ELAPOR2: variants seen among roughly 807,000 people sequenced by gnomAD.
The protein encoded by ELAPOR2 is endosome-lysosome associated apoptosis and autophagy regulator family member 2, also known as endosome/lysosome-associated apoptosis and autophagy regulator family member 2.
In ELAPOR2, 89 loss-of-function variants were observed where a neutral mutation model predicts 120.7. The observed-to-expected ratio is 0.74, with a 90% CI of 0.62 to 0.88. ELAPOR2 has a LOEUF of 0.88. ELAPOR2 is among the 40% of genes least tolerant of loss of function. The pLI, the probability that ELAPOR2 is intolerant of heterozygous loss-of-function variation, is 0.00. For missense variants in ELAPOR2, 1,134 were observed against 1,251.6 expected (o/e 0.91, Z 1.42); for synonymous variants, 444 against 444.9 (o/e 1.00, Z 0.03).
intron 1 of ELAPOR2, among the ~76,000 whole-genome samples, chr7:87,006,544 GAAA>G (rs1793483580): frequency 6.6e-6 from 1 of 151,960 alleles, no homozygotes. Flanking sequence ...AAGAAAGAAA[GAAA>G]AAGACTGAAA....
chr7:86,955,351 C>A (rs1284736599), intron 2 of ELAPOR2, among the ~76,000 whole-genome samples: 1 of 152,018 alleles, frequency 6.6e-6, no homozygotes, highest in Non-Finnish European at 1.5e-5. Context: ...GATTTTTTCC[C>A]CTGGCTGAAG....
rs993683145 is a variant in ELAPOR2, at chr7:87,042,527, A to C, written c.189+16798T>G. ...GAATGACTACTGGGTACATAACGAAATGAAGGCAGAAATAAAGATGTTCTT... is the reference window on the plus strand; with the variant it reads ...GAATGACTACTGGGTACATAACGAACTGAAGGCAGAAATAAAGATGTTCTT... On this transcript the variant is annotated intron_variant, in intron 1 of 21. Coordinates refer to ENST00000450689, the MANE Select transcript of ELAPOR2 (RefSeq NM_001142749.3). Among the ~76,000 whole-genome samples, 84 of 152,012 alleles carry C rather than the reference A, an allele frequency of 5.5e-4. 1 individual carries two copies. In the East Asian group the frequency reaches 7.7e-3, roughly 14 times the overall value.
intron 1 of ELAPOR2, among the ~76,000 whole-genome samples, chr7:87,006,927 G>A (rs1793501411): frequency 6.6e-6 from 1 of 152,140 alleles, no homozygotes; most frequent in African/African-American, 2.4e-5. Flanking sequence ...CAAAAAACAT[G>A]ATGTTGAGTG....
intron 1 of ELAPOR2, among the ~76,000 whole-genome samples, chr7:87,049,305 C>T (rs1167019048): frequency 6.6e-6 from 1 of 151,398 alleles, no homozygotes. Flanking sequence ...TTTTTGAGAC[C>T]GAGCCTCGCT....
chr7:86,907,623 G>A (rs1263605129), intron 18 of ELAPOR2, 47 bp downstream of exon 18: 1 of 1,187,176 alleles, frequency 8.4e-7, no homozygotes, highest in African/African-American at 1.6e-5. Context: ...ATTCTGGAGA[G>A]TTTTTCTTCC....
At chr7:86,943,569 A>G (rs954782952) in intron 4 of ELAPOR2, among the ~76,000 whole-genome samples, 3 of 152,026 alleles carry the variant, frequency 2.0e-5, no homozygotes, top group Non-Finnish European at 2.9e-5. Flanking sequence ...ACCAGAACAA[A>G]GGCATCGCTG....
In ELAPOR2 at chr7:86,878,720, T is replaced by C. The variant is rs916939736; in HGVS notation, c.*1751A>G. On this transcript the variant is annotated 3_prime_UTR_variant, in exon 22 of 22. Transcript: ENST00000450689. Reference sequence around the variant, plus strand: ...AATGCAGACATGCTCATAAGCACTCTGTTGGCAGGATAAAAATGAAGAATG... The same window carrying C: ...AATGCAGACATGCTCATAAGCACTCCGTTGGCAGGATAAAAATGAAGAATG... 1.2e-4 allele frequency: 19 copies of C among 152,202 alleles called. No individual in the cohort carries two copies. Among genetic ancestry groups the C allele is most frequent in the African/African-American group, 4.3e-4 (18 of 41,470 alleles). 9.4% of individuals were successfully genotyped at this position (152,202 alleles called of 1,614,324 possible).
intron 1 of ELAPOR2, among the ~76,000 whole-genome samples, chr7:87,037,386 T>C (rs1271945801): frequency 6.6e-6 from 1 of 151,998 alleles, no homozygotes; most frequent in Non-Finnish European, 1.5e-5. Context: ...TCTCTCAATT[T>C]TTTTATCTCA....
chr7:86,912,103 T>C lies in ELAPOR2; in HGVS notation c.2138A>G (p.His713Arg), dbSNP rs768158843. ...SFTSKGTKYF[H>R]FFNISLCGHE... ...CCCACATAAACTGATATTGAAGAAA[T>C]GGAAGTATTTTGTTCCTTTGGAGGT... The change falls in exon 15 of 22, where the codon CAT becomes CGT. Residue 713 changes from histidine (H) to arginine (R), a missense_variant. His to Arg is a conservative substitution (Grantham distance 29, BLOSUM62 0). Transcript: ENST00000450689. The C allele has an allele frequency of 3.7e-6, 6 of 1,610,430 alleles. No homozygotes were observed. The highest frequency in any genetic ancestry group is 5.1e-6 in the Non-Finnish European group (6 of 1,177,114).
intron 9 of ELAPOR2, among the ~76,000 whole-genome samples, chr7:86,926,057 C>G (rs1195774373): frequency 6.6e-6 from 1 of 152,018 alleles, no homozygotes; most frequent in African/African-American, 2.4e-5. Flanking sequence ...AAAGATTTCA[C>G]TCTTCCTATT....
intron 21 of ELAPOR2, among the ~76,000 whole-genome samples, chr7:86,889,892 G>T (rs1318600279): frequency 6.6e-6 from 1 of 151,958 alleles, no homozygotes; most frequent in African/African-American, 2.4e-5. Flanking sequence ...AACCCTGATG[G>T]TTCATAGCAT....
chr7:86,942,243 T>C (rs1790830380), intron 4 of ELAPOR2, 139 bp from the exon 5 acceptor site: 1 of 525,786 alleles, frequency 1.9e-6, no homozygotes, highest in Non-Finnish European at 3.5e-6. Context: ...TAAGTAAACA[T>C]ACCGAGACCT....
chr7:86,905,856 A>C (rs1156434208), intron 18 of ELAPOR2, among the ~76,000 whole-genome samples: 1 of 152,148 alleles, frequency 6.6e-6, no homozygotes, highest in Non-Finnish European at 1.5e-5. Flanking sequence ...TTACTTCCCT[A>C]AGTGGCAGAT....
chr7:86,962,733 C>T (rs980334455), intron 2 of ELAPOR2, among the ~76,000 whole-genome samples: 2 of 152,116 alleles, frequency 1.3e-5, no homozygotes, highest in African/African-American at 2.4e-5. Flanking sequence ...TGTGAGGATA[C>T]AATGGGATAA....
chr7:86,953,108 A>C (rs1438895092), intron 2 of ELAPOR2, among the ~76,000 whole-genome samples: 1 of 151,992 alleles, frequency 6.6e-6, no homozygotes, highest in African/African-American at 2.4e-5. Flanking sequence ...AAAAAAAAAA[A>C]AAACCCACAC....
intron 1 of ELAPOR2, among the ~76,000 whole-genome samples, chr7:86,969,974 G>A (rs1321733155): frequency 6.6e-6 from 1 of 152,198 alleles, no homozygotes; most frequent in Admixed American, 6.5e-5. Flanking sequence ...ATAGGATGTG[G>A]TAAGCAGCAA....
intron 19 of ELAPOR2, among the ~76,000 whole-genome samples, chr7:86,895,952 G>A (rs1056231534): frequency 5.3e-5 from 8 of 152,038 alleles, no homozygotes; most frequent in Non-Finnish European, 1.0e-4. Context: ...GGATTAACAA[G>A]AAACTATTTT....
chr7:87,031,073 C>A (rs2116732638), intron 1 of ELAPOR2, among the ~76,000 whole-genome samples: 1 of 152,224 alleles, frequency 6.6e-6, no homozygotes, highest in South Asian at 2.1e-4. Context: ...CCCCATGATT[C>A]AATTATCTCC....
chr7:87,007,652 A>C (rs1293858198), intron 1 of ELAPOR2, among the ~76,000 whole-genome samples: 1 of 152,136 alleles, frequency 6.6e-6, no homozygotes, highest in African/African-American at 2.4e-5. Flanking sequence ...CTTCTTGGAG[A>C]AGAGAATAAT....
Sources: gnomAD v4.1 joint callset for allele counts (sites outside exome capture counted in the v4.1 genomes callset) on GRCh38, gnomAD v4.1.1 for gene constraint, MANE v1.5 for transcripts, NCBI Gene and HGNC (gene_info 2026-07-23, HGNC 2026-07-21) for gene names.